The following CEACAM21 variants were observed in gnomAD, a reference collection of about 807,000 sequenced individuals.
CEACAM21 encodes CEA cell adhesion molecule 21, also known as cell adhesion molecule CEACAM21.
A neutral mutation model predicts 33.2 loss-of-function variants in CEACAM21; 38 were observed. The ratio of observed to expected loss-of-function variants is 1.14; its 90% CI spans 0.88 to 1.50. The LOEUF is 1.50. CEACAM21 is among the 40% of genes most tolerant of loss of function. The pLI is 0.00. For missense variants in CEACAM21, 385 were observed against 364.6 expected (o/e 1.06, Z -0.46); for synonymous variants, 156 against 143.0 (o/e 1.09, Z -0.65).
At chr19:41,562,278 G>A (rs11673075) in intron 1 of CEACAM21, among the ~76,000 whole-genome samples, 50,831 of 139,450 alleles carry the variant, frequency 0.36, 9,718 homozygotes, top group African/African-American at 0.63. Context: ...AAGAAAGAAA[G>A]AAAAAACACT....
intron 1 of CEACAM21, among the ~76,000 whole-genome samples, chr19:41,558,270 G>A (rs1262190577): frequency 1.4e-4 from 22 of 152,176 alleles, no homozygotes; most frequent in African/African-American, 5.3e-4. Context: ...AATGGTGAAA[G>A]TCAACCTGTA....
At chr19:41,562,273 AG>A (rs2041931444) in intron 1 of CEACAM21, among the ~76,000 whole-genome samples, 2 of 147,814 alleles carry the variant, frequency 1.4e-5, no homozygotes, top group African/African-American at 5.3e-5. Flanking sequence ...AAAGAAAGAA[AG>A]AAAGAAAAAA....
intron 2 of CEACAM21, among the ~76,000 whole-genome samples, 194 bp downstream of exon 2, chr19:41,577,753 G>A (rs1423654441): frequency 2.6e-5 from 4 of 152,306 alleles, no homozygotes; most frequent in South Asian, 2.1e-4. Flanking sequence ...TCCGGACTCC[G>A]TGGAAATTCC....
At chr19:41,577,081 A>G (rs2043001088) in intron 1 of CEACAM21, 119 bp from the exon 2 acceptor site, 3 of 346,146 alleles carry the variant, frequency 8.7e-6, no homozygotes, top group Non-Finnish European at 8.7e-6. Flanking sequence ...ACCCAGTAGG[A>G]CACACACACA....
intron 1 of CEACAM21, 128 bp from the exon 2 acceptor site, chr19:41,577,072 C>G: frequency 9.6e-7 from 1 of 1,038,476 alleles, no homozygotes; most frequent in South Asian, 1.4e-5. Context: ...CTGACTTTGA[C>G]CCAGTAGGAC....
intron 1 of CEACAM21, among the ~76,000 whole-genome samples, chr19:41,558,057 G>A (rs2041645937): frequency 6.6e-6 from 1 of 152,148 alleles, no homozygotes; most frequent in South Asian, 2.1e-4. Flanking sequence ...CCTATTTTCA[G>A]GCGATAAACA....
intron 1 of CEACAM21, among the ~76,000 whole-genome samples, chr19:41,553,258 T>C (rs1425484098): frequency 4.6e-5 from 7 of 151,800 alleles, no homozygotes; most frequent in Admixed American, 1.3e-4. Flanking sequence ...GCACCCGCCA[T>C]CATGCCCGGC....
At chr19:41,577,090 C>T (rs2043002760) in intron 1 of CEACAM21, 110 bp from the exon 2 acceptor site, 2 of 1,250,340 alleles carry the variant, frequency 1.6e-6, no homozygotes, top group Non-Finnish European at 2.3e-6. Flanking sequence ...GACACACACA[C>T]ACACACACAC....
chr19:41,582,950 T>C (rs1209881883), intron 3 of CEACAM21, among the ~76,000 whole-genome samples: 1 of 152,220 alleles, frequency 6.6e-6, no homozygotes, highest in Non-Finnish European at 1.5e-5. Context: ...AGAAAATGGA[T>C]TTTTCTTTTC....
intron 2 of CEACAM21, among the ~76,000 whole-genome samples, chr19:41,570,895 G>A (rs1555789336): frequency 6.6e-6 from 1 of 152,182 alleles, no homozygotes; most frequent in East Asian, 1.9e-4. Context: ...TTCAGGTGGA[G>A]GGGACTGAGG....
chr19:41,561,591 A>G (rs1033723812), intron 1 of CEACAM21, among the ~76,000 whole-genome samples: 1 of 152,238 alleles, frequency 6.6e-6, no homozygotes, highest in Non-Finnish European at 1.5e-5. Flanking sequence ...AGCCAATTCT[A>G]AAATTCATGT....
chr19:41,561,111 A>T (rs2041857133), intron 1 of CEACAM21, among the ~76,000 whole-genome samples: 1 of 152,266 alleles, frequency 6.6e-6, no homozygotes, highest in Non-Finnish European at 1.5e-5. Flanking sequence ...AGGTTATCAG[A>T]TATAAAAATC....
chr19:41,573,907 GA>G (rs201729663), upstream of CEACAM21, among the ~76,000 whole-genome samples: 24 of 150,920 alleles, frequency 1.6e-4, no homozygotes, highest in South Asian at 4.2e-4. Flanking sequence ...AAACAATCTG[GA>G]AAAAAAAATT....
chr19:41,583,043 C>T (rs2043535086), intron 3 of CEACAM21, among the ~76,000 whole-genome samples: 1 of 152,172 alleles, frequency 6.6e-6, no homozygotes, highest in East Asian at 1.9e-4. Context: ...CAAACCATAC[C>T]TTTGTAAATA....
intron 1 of CEACAM21, among the ~76,000 whole-genome samples, chr19:41,562,927 A>G (rs776887368): frequency 2.4e-4 from 36 of 152,040 alleles, no homozygotes; most frequent in Non-Finnish European, 3.7e-4. Flanking sequence ...ATGGGGTTTC[A>G]CTGTGTTAGC....
chr19:41,575,845 GGA>G (rs1311057471), upstream of CEACAM21, among the ~76,000 whole-genome samples: 1 of 152,172 alleles, frequency 6.6e-6, no homozygotes, highest in Non-Finnish European at 1.5e-5. Flanking sequence ...CTGCCTTCCT[GGA>G]GCACTGGAGA....
chr19:41,559,930 G>A (rs535664379), intron 1 of CEACAM21, among the ~76,000 whole-genome samples: 15 of 152,252 alleles, frequency 9.9e-5, no homozygotes, highest in Middle Eastern at 6.8e-3. Flanking sequence ...GCCAGGATCA[G>A]GCCTGTGAAC....
At chr19:41,567,519 G>A (rs1555788585) in intron 2 of CEACAM21, among the ~76,000 whole-genome samples, 2 of 152,144 alleles carry the variant, frequency 1.3e-5, no homozygotes, top group Non-Finnish European at 2.9e-5. Context: ...TAGCAATTTT[G>A]CTACTGCATA....
At chr19:41,553,414 G>T (rs893043034) in intron 1 of CEACAM21, among the ~76,000 whole-genome samples, 2 of 151,918 alleles carry the variant, frequency 1.3e-5, no homozygotes, top group Admixed American at 6.6e-5. Context: ...CCAGTTTCCC[G>T]TTTTTACTAA....
Sources: gnomAD v4.1 joint callset for allele counts (sites outside exome capture counted in the v4.1 genomes callset) on GRCh38, gnomAD v4.1.1 for gene constraint, MANE v1.5 for transcripts, NCBI Gene and HGNC (gene_info 2026-07-23, HGNC 2026-07-21) for gene names.